PTPRT: variants seen among roughly 807,000 people sequenced by gnomAD.
PTPRT encodes the protein receptor-type tyrosine-protein phosphatase T.
Under a neutral mutation model 176.8 loss-of-function variants are expected in PTPRT, and 56 were observed. The observed-to-expected ratio is 0.32, with a 90% CI of 0.26 to 0.40. The LOEUF is 0.40. PTPRT is among the 10% of genes least tolerant of loss of function. PTPRT has a pLI of 1.00. For missense variants in PTPRT, 1,540 were observed against 1,908.2 expected (o/e 0.81, Z 3.60); for synonymous variants, 783 against 739.0 (o/e 1.06, Z -0.96).
intron 7 of PTPRT, among the ~76,000 whole-genome samples, chr20:42,585,879 T>C (rs1397248527): frequency 6.6e-6 from 1 of 152,188 alleles, no homozygotes; most frequent in African/African-American, 2.4e-5. Flanking sequence ...ATTGTAACAA[T>C]ATGTAACATG....
At chr20:42,901,982 T>C (rs544673576) in intron 1 of PTPRT, among the ~76,000 whole-genome samples, 1 of 152,292 alleles carries the variant, frequency 6.6e-6, no homozygotes, top group Non-Finnish European at 1.5e-5. Context: ...ACATGGTCTG[T>C]AAAGACTGAA....
At chr20:42,684,141 T>G (rs7353387) in intron 6 of PTPRT, among the ~76,000 whole-genome samples, 3 of 152,060 alleles carry the variant, frequency 2.0e-5, no homozygotes, top group African/African-American at 7.2e-5. Flanking sequence ...TCACTTGAGG[T>G]CAGGAGTTTG....
intron 1 of PTPRT, among the ~76,000 whole-genome samples, chr20:43,121,921 A>G (rs1485596335): frequency 6.6e-6 from 1 of 152,186 alleles, no homozygotes; most frequent in Non-Finnish European, 1.5e-5. Flanking sequence ...TGAGGTTCAG[A>G]GAGGTTGAAT....
chr20:42,461,143 C>G (rs1488348472), intron 8 of PTPRT, among the ~76,000 whole-genome samples: 1 of 152,174 alleles, frequency 6.6e-6, no homozygotes, highest in Non-Finnish European at 1.5e-5. Flanking sequence ...GCCTGACCAA[C>G]ACGGAGAAAC....
rs2059117583 is a variant in PTPRT, at chr20:42,421,358, T to C, written c.1560+26862A>G. Among the ~76,000 whole-genome samples the C allele has an allele frequency of 2.0e-5, 3 of 152,246 alleles. No homozygotes were observed. In the South Asian group the frequency reaches 6.2e-4, roughly 32 times the overall value. ...TGGCGGTCTCCAAAAGATACATCTA[T>C]CTGGAATCTGTGAATGTGACCTTAT... is the stretch of plus-strand genomic sequence containing the variant. On this transcript the variant is annotated intron_variant, in intron 9 of 30. Coordinates refer to ENST00000373187, the MANE Select transcript of PTPRT (RefSeq NM_007050.6).
intron 6 of PTPRT, among the ~76,000 whole-genome samples, chr20:42,726,291 CT>C (rs1226325383): frequency 6.6e-6 from 1 of 152,100 alleles, no homozygotes; most frequent in Non-Finnish European, 1.5e-5. Context: ...GTTGGCCAGA[CT>C]GGTCTTAAAC....
At chr20:42,672,449 A>G (rs1279179937) in intron 7 of PTPRT, among the ~76,000 whole-genome samples, 1 of 152,186 alleles carries the variant, frequency 6.6e-6, no homozygotes, top group Non-Finnish European at 1.5e-5. Context: ...ACTCCTTAAT[A>G]AACTTTCCTT....
rs144516773 is a variant in PTPRT, at chr20:42,504,432, A to T, written c.1154-31870T>A. Among the ~76,000 whole-genome samples the T allele has an allele frequency of 7.1e-4, 108 of 152,304 alleles. 1 individual carries two copies. In the East Asian group the frequency reaches 9.8e-3, roughly 14 times the overall value. ...TTTGAGATCAAGTTATTATGTGCAT[A>T]CAGGTTTAGAATTGTTGGAACTTTC... is the stretch of plus-strand genomic sequence containing the variant. On this transcript the variant is annotated intron_variant, in intron 7 of 30. Transcript: ENST00000373187.
At chr20:42,335,386 G>T (rs193289138) in intron 11 of PTPRT, among the ~76,000 whole-genome samples, 1 of 152,202 alleles carries the variant, frequency 6.6e-6, no homozygotes, top group African/African-American at 2.4e-5. Context: ...TGGCTATGGA[G>T]GTTCACTGGT....
the PTPRT span, among the ~76,000 whole-genome samples, chr20:42,048,955 G>T: frequency 6.6e-6 from 1 of 152,114 alleles, no homozygotes; most frequent in African/African-American, 2.4e-5. Flanking sequence ...CCAAGTAGCT[G>T]GGATTACAGA....
At chr20:42,898,924 T>C (rs1463924110) in intron 1 of PTPRT, among the ~76,000 whole-genome samples, 3 of 152,154 alleles carry the variant, frequency 2.0e-5, no homozygotes, top group Non-Finnish European at 4.4e-5. Flanking sequence ...TGCTTCAAGT[T>C]GGAGGCCAGC....
Position 42,078,989 on chromosome 20 carries a change from ATTC to A in PTPRT, c.*1887_*1889del, listed in dbSNP as rs1983050278. The A allele has an allele frequency of 5.6e-6, 1 of 178,116 alleles. No homozygotes were observed. Among genetic ancestry groups the A allele is most frequent in the Non-Finnish European group, 1.2e-5 (1 of 82,968 alleles). 11.0% of individuals were successfully genotyped at this position (178,116 alleles called of 1,614,324 possible). A position where few individuals can be genotyped will look rare whatever the true frequency, so the allele number is the denominator to read the frequency against. On this transcript the variant is annotated 3_prime_UTR_variant, in exon 31 of 31. Transcript: ENST00000373187. ...GAGGGCCAAAGCTGTACCTTCTTGA[ATTC>A]TCTGCCCCTCATGCCCTGTCTGGGG...
intron 7 of PTPRT, among the ~76,000 whole-genome samples, chr20:42,611,443 T>C (rs1316031332): frequency 6.6e-6 from 1 of 152,198 alleles, no homozygotes; most frequent in Non-Finnish European, 1.5e-5. Context: ...CATCCCAATG[T>C]ACAGATCACA....
chr20:42,780,984 T>C (rs984785545), intron 3 of PTPRT, among the ~76,000 whole-genome samples: 1 of 152,142 alleles, frequency 6.6e-6, no homozygotes, highest in African/African-American at 2.4e-5. Flanking sequence ...CTGGTTCCAA[T>C]GGCCTTCTTC....
intron 15 of PTPRT, among the ~76,000 whole-genome samples, chr20:42,203,724 G>T (rs1001452993): frequency 1.3e-5 from 2 of 152,148 alleles, no homozygotes; most frequent in African/African-American, 4.8e-5. Flanking sequence ...AAGACTAATG[G>T]CAAAGACGGG....
rs527416224 is a variant in PTPRT at position 42,614,684 on chromosome 20, G to A, written c.1153+63182C>T. Reference sequence around the variant, plus strand: ...AAGAATGTTCTGACCACCCTGCAATGAATTATTTCCCTTTACTTGCTGTGT... The same window carrying A: ...AAGAATGTTCTGACCACCCTGCAATAAATTATTTCCCTTTACTTGCTGTGT... On this transcript the variant is annotated intron_variant, in intron 7 of 30. Transcript: ENST00000373187. Among the ~76,000 whole-genome samples the A allele has an allele frequency of 1.8e-4, 28 of 152,244 alleles. No individual in the cohort carries two copies. In the South Asian group the frequency reaches 5.8e-3, roughly 32 times the overall value.
rs1982890848 is a variant in PTPRT, at chr20:42,077,504, G to GT, written c.*3374dup. The GT allele has an allele frequency of 4.5e-6, 1 of 220,882 alleles. No homozygotes were observed. Among genetic ancestry groups the GT allele is most frequent in the African/African-American group, 2.2e-5 (1 of 44,790 alleles). The allele number at this position is 220,882 out of a possible 1,614,324, so 13.7% of individuals were successfully genotyped here. A position where few individuals can be genotyped will look rare whatever the true frequency, so the allele number is the denominator to read the frequency against. ...GCTCATGACAGGCTGAGCTCACCCT[G>GT]TAAATGGGGTGGGGTGGGGAGACCC... is the stretch of plus-strand genomic sequence containing the variant. On this transcript the variant is annotated 3_prime_UTR_variant, in exon 31 of 31. Coordinates refer to ENST00000373187, the MANE Select transcript of PTPRT (RefSeq NM_007050.6).
intron 1 of PTPRT, among the ~76,000 whole-genome samples, chr20:42,900,149 G>A (rs548408974): frequency 6.6e-6 from 1 of 152,172 alleles, no homozygotes; most frequent in Admixed American, 6.5e-5. Flanking sequence ...ATCAAAGTGG[G>A]GGTGAGGTCA....
Position 43,041,178 on chromosome 20 carries a change from C to T in PTPRT, c.88+148468G>A, listed in dbSNP as rs556270491. Among the ~76,000 whole-genome samples, 10 of 152,346 alleles carry T rather than the reference C, an allele frequency of 6.6e-5. 1 individual carries two copies. The South Asian group carries it at 1.9e-3, about 28-fold the overall frequency. On this transcript the variant is annotated intron_variant, in intron 1 of 30. Transcript: ENST00000373187. Reference sequence around the variant, plus strand: ...AGACTCGGAGAGCTTAAATGACTTGCTTCAGACCTGCAGCTAGAATGTGCC... The same window carrying T: ...AGACTCGGAGAGCTTAAATGACTTGTTTCAGACCTGCAGCTAGAATGTGCC...
Sources: gnomAD v4.1 joint callset for allele counts (sites outside exome capture counted in the v4.1 genomes callset) on GRCh38, gnomAD v4.1.1 for gene constraint, MANE v1.5 for transcripts, NCBI Gene and HGNC (gene_info 2026-07-23, HGNC 2026-07-21) for gene names.